The following SNX24 variants were observed in gnomAD, a reference collection of about 807,000 sequenced individuals.
SNX24 encodes the protein sorting nexin 24.
SNX24 carries 22 observed loss-of-function variants against 28.7 expected under a neutral mutation model. The observed-to-expected ratio is 0.77, with a 90% CI of 0.55 to 1.10. The LOEUF is 1.10. Ranked by LOEUF, SNX24 falls within the 50% of genes least tolerant of loss-of-function variation. SNX24 has a pLI of 0.00. For missense variants in SNX24, 221 were observed against 201.1 expected (o/e 1.10, Z -0.60); for synonymous variants, 69 against 71.5 (o/e 0.96, Z 0.18).
intron 1 of SNX24, among the ~76,000 whole-genome samples, chr5:122,850,649 A>G (rs1418631684): frequency 6.6e-6 from 1 of 152,122 alleles, no homozygotes; most frequent in Non-Finnish European, 1.5e-5. Flanking sequence ...GTAAGCAAAT[A>G]AGAACTGAAG....
In SNX24 at chr5:123,008,315, A is replaced by G; in HGVS notation, c.*566A>G. ...CTGACAATATTATGGCATTTTTAAGATCATGGCATTTTAATTTACATTAGA... is the reference window on the plus strand; with the variant it reads ...CTGACAATATTATGGCATTTTTAAGGTCATGGCATTTTAATTTACATTAGA... On this transcript the variant is annotated 3_prime_UTR_variant, in exon 7 of 7. Coordinates refer to ENST00000261369, the MANE Select transcript of SNX24 (RefSeq NM_014035.4). 7 of 983,322 alleles carry G rather than the reference A, an allele frequency of 7.1e-6. No homozygotes were observed. Among genetic ancestry groups the G allele is most frequent in the Non-Finnish European group, 7.2e-6 (6 of 827,996 alleles). 60.9% of individuals were successfully genotyped at this position (983,322 alleles called of 1,614,324 possible).
At chr5:122,868,395 C>T (rs1755816213) in intron 1 of SNX24, among the ~76,000 whole-genome samples, 1 of 152,146 alleles carries the variant, frequency 6.6e-6, no homozygotes, top group South Asian at 2.1e-4. Context: ...TCAGTCACTA[C>T]TAAGACCCAG....
At chr5:122,909,904 G>C (rs1394992528) in intron 1 of SNX24, among the ~76,000 whole-genome samples, 1 of 152,184 alleles carries the variant, frequency 6.6e-6, no homozygotes, top group African/African-American at 2.4e-5. Flanking sequence ...CACTGGTGTG[G>C]TTATCTTTCA....
chr5:122,849,472 G>A (rs187170382), intron 1 of SNX24, among the ~76,000 whole-genome samples: 7 of 152,136 alleles, frequency 4.6e-5, no homozygotes, highest in Non-Finnish European at 5.9e-5. Context: ...TGCTGAGGTG[G>A]GGGTGCTTAG....
intron 6 of SNX24, 52 bp downstream of exon 6, chr5:123,002,056 C>T (rs762346924): frequency 4.8e-5 from 67 of 1,391,252 alleles, no homozygotes; most frequent in Admixed American, 1.7e-5. Flanking sequence ...GACCCTGCAC[C>T]ACATAAACCA....
chr5:122,863,285 A>G (rs1297142405), intron 1 of SNX24, among the ~76,000 whole-genome samples: 1 of 152,108 alleles, frequency 6.6e-6, no homozygotes, highest in South Asian at 2.1e-4. Context: ...AGGTTATCCA[A>G]GGGAAATGTC....
rs532684244 is a variant in SNX24, at chr5:122,900,979, T to A, written c.61-35755T>A. On this transcript the variant is annotated intron_variant, in intron 1 of 6. Transcript: ENST00000261369. ...ACTTTGGGAGGTCGAGGCAGGTGGA[T>A]CACTTGAGGTCAGGAATTCAAGACC... 2.2e-4 allele frequency among the ~76,000 whole-genome samples: 33 copies of A among 152,140 alleles called. No homozygotes were observed. In the South Asian group the frequency reaches 6.6e-3, roughly 31 times the overall value.
intron 1 of SNX24, among the ~76,000 whole-genome samples, chr5:122,883,790 C>T (rs1390583361): frequency 6.6e-6 from 1 of 152,150 alleles, no homozygotes; most frequent in Non-Finnish European, 1.5e-5. Flanking sequence ...GCTGGGACTG[C>T]AGGCACGCAT....
intron 3 of SNX24, among the ~76,000 whole-genome samples, chr5:122,970,375 G>A (rs1428218051): frequency 6.6e-6 from 1 of 151,932 alleles, no homozygotes; most frequent in Non-Finnish European, 1.5e-5. Context: ...ATCTCTGATC[G>A]TGATAACTAC....
At chr5:122,896,022 A>C (rs1281996726) in intron 1 of SNX24, among the ~76,000 whole-genome samples, 1 of 152,070 alleles carries the variant, frequency 6.6e-6, no homozygotes, top group African/African-American at 2.4e-5. Flanking sequence ...GGTGGCATGC[A>C]CCTGTGATCC....
chr5:123,022,221 C>G (rs191575678), intron 5 of SNX24: 1 of 152,300 alleles, frequency 6.6e-6, no homozygotes, highest in Admixed American at 6.5e-5. Flanking sequence ...AAAAAATTAA[C>G]AAATTGCTCT....
At chr5:122,945,807 A>G (rs1253315436) in intron 2 of SNX24, among the ~76,000 whole-genome samples, 2 of 152,148 alleles carry the variant, frequency 1.3e-5, no homozygotes, top group African/African-American at 2.4e-5. Context: ...AAGGATTTCA[A>G]TCTGAAATAT....
chr5:123,002,312 C>A (rs1343522111), intron 6 of SNX24, among the ~76,000 whole-genome samples: 1 of 152,038 alleles, frequency 6.6e-6, no homozygotes, highest in Non-Finnish European at 1.5e-5. Flanking sequence ...TGTCCAGATG[C>A]CAAGGTTCAA....
intron 1 of SNX24, among the ~76,000 whole-genome samples, chr5:122,877,366 G>T (rs1214225593): frequency 6.6e-6 from 1 of 152,132 alleles, no homozygotes; most frequent in African/African-American, 2.4e-5. Context: ...CAGGCTGATT[G>T]AACTTACCTT....
At chr5:122,933,829 C>CTT (rs1303875257) in intron 1 of SNX24, among the ~76,000 whole-genome samples, 1 of 145,708 alleles carries the variant, frequency 6.9e-6, no homozygotes, top group Admixed American at 6.9e-5. Flanking sequence ...CTCTTTTTTT[C>CTT]TTTTTTTTTT....
chr5:122,908,305 G>A lies in SNX24; in HGVS notation c.61-28429G>A, dbSNP rs139440343. ...ATGTCATTGAGTGATGTAAATGCAC[G>A]TCAGAAACTAGAAACTTGACAGCTC... On this transcript the variant is annotated intron_variant, in intron 1 of 6. Transcript: ENST00000261369. Among the ~76,000 whole-genome samples the A allele has an allele frequency of 7.9e-4, 121 of 152,298 alleles. 1 individual carries two copies. The highest frequency in any genetic ancestry group is 2.6e-3 in the African/African-American group (110 of 41,560).
chr5:122,968,932 T>C (rs1377012557), intron 3 of SNX24, among the ~76,000 whole-genome samples: 6 of 152,140 alleles, frequency 3.9e-5, no homozygotes, highest in Admixed American at 2.0e-4. Flanking sequence ...TATAATTAAA[T>C]ATGCACTAAA....
chr5:122,951,266 CAA>C (rs1445925286), intron 3 of SNX24, among the ~76,000 whole-genome samples: 3 of 48,056 alleles, frequency 6.2e-5, no homozygotes, highest in Non-Finnish European at 1.1e-4. Context: ...GACTCTGTCT[CAA>C]AAAAAAAAAA....
At chr5:123,027,842 A>G (rs900388798) in intron 5 of SNX24, among the ~76,000 whole-genome samples, 5 of 152,244 alleles carry the variant, frequency 3.3e-5, no homozygotes, top group Admixed American at 6.5e-5. Context: ...AGTTACATAT[A>G]TGGTGTATGT....
Sources: gnomAD v4.1 joint callset for allele counts (sites outside exome capture counted in the v4.1 genomes callset) on GRCh38, gnomAD v4.1.1 for gene constraint, MANE v1.5 for transcripts, NCBI Gene and HGNC (gene_info 2026-07-23, HGNC 2026-07-21) for gene names.